ZDBF2: variants seen among roughly 807,000 people sequenced by gnomAD.
ZDBF2 encodes the protein DBF4-type zinc finger-containing protein 2.
In ZDBF2, 6 loss-of-function variants were observed where a neutral mutation model predicts 9.4. That is an observed-to-expected ratio of 0.64 (90% CI 0.35 to 1.27). ZDBF2 has a LOEUF of 1.27. ZDBF2 is among the 50% of genes most tolerant of loss of function. The pLI is 0.03. For missense variants in ZDBF2, 2,697 were observed against 2,766.8 expected (o/e 0.97, Z 0.57); for synonymous variants, 905 against 946.3 (o/e 0.96, Z 0.80).
At chr2:206,293,317 T>C (rs944166195) in intron 3 of ZDBF2, among the ~76,000 whole-genome samples, 6 of 152,142 alleles carry the variant, frequency 3.9e-5, no homozygotes, top group Non-Finnish European at 8.8e-5. Context: ...AGAAGTAGAC[T>C]ATGATTTGGC....
rs756567768 is a variant in ZDBF2 at position 206,307,610 on chromosome 2, G to A, written c.3082G>A (p.Val1028Ile). ...VNKINRKKQYVLENKNDKCSG... is the reference protein window; with the variant it reads ...VNKINRKKQYILENKNDKCSG... ...CAAAATAAACAGAAAGAAGCAATAT[G>A]TTCTAGAAAACAAGAATGATAAATG... Residue 1028 changes from valine (V) to isoleucine (I), a missense_variant, in exon 5 of 5, where the codon GTT becomes ATT. Coordinates refer to ENST00000374423, the MANE Select transcript of ZDBF2 (RefSeq NM_020923.3). 4 of 1,611,950 alleles carry A rather than the reference G, an allele frequency of 2.5e-6. No individual in the cohort carries two copies. Among genetic ancestry groups the A allele is most frequent in the African/African-American group, 1.3e-5 (1 of 74,832 alleles).
rs534373788 is a variant in ZDBF2 at position 206,281,781 on chromosome 2, T to A, written c.-49-20T>A. 2 of 1,455,922 alleles carry A rather than the reference T, an allele frequency of 1.4e-6. No individual in the cohort carries two copies. The highest frequency in any genetic ancestry group is 2.4e-5 in the South Asian group (2 of 83,216). The allele number at this position is 1,455,922 out of a possible 1,614,324, so 90.2% of individuals were successfully genotyped here. A position where few individuals can be genotyped will look rare whatever the true frequency, so the allele number is the denominator to read the frequency against. On this transcript the variant is annotated intron_variant, in intron 2 of 4. Transcript: ENST00000374423. ...GAGTAAGGAATTATGATTTTTACCA[T>A]TTTTCTTTTTGTTTTTCAGCTTGAG...
chr2:206,311,576 G>A lies in ZDBF2; in HGVS notation c.7048G>A (p.Gly2350Ser). Reference sequence around the variant, plus strand: ...GACTCGGCTAGCAAACAAACTGAGAGGTAATGAGGTAAAATAGAAGTTGGT... The same window carrying A: ...GACTCGGCTAGCAAACAAACTGAGAAGTAATGAGGTAAAATAGAAGTTGGT... ...MMTRLANKLR[G>S]NEVK The change falls in exon 5 of 5, where the codon GGT becomes AGT. Residue 2350 changes from glycine to serine, a missense_variant. By Grantham distance (56) the Gly-to-Ser change is moderately conservative. This residue lies in a region of ZDBF2 where 1,783 missense variants were observed against 1,776.5 expected (regional missense o/e 1.00). Transcript: ENST00000374423. 6.6e-7 allele frequency: 1 copy of A among 1,504,092 alleles called. No homozygotes were observed. Among genetic ancestry groups the A allele is most frequent in the Non-Finnish European group, 8.9e-7 (1 of 1,127,954 alleles). The allele number at this position is 1,504,092 out of a possible 1,614,324, so 93.2% of individuals were successfully genotyped here.
intron 3 of ZDBF2, among the ~76,000 whole-genome samples, chr2:206,291,396 C>T (rs909912953): frequency 6.6e-6 from 1 of 152,166 alleles, no homozygotes; most frequent in Admixed American, 6.5e-5. Context: ...GAAACGCTTG[C>T]TTGCCTGCCG....
intron 3 of ZDBF2, among the ~76,000 whole-genome samples, chr2:206,283,675 T>C (rs1691447775): frequency 1.3e-5 from 2 of 152,312 alleles, no homozygotes; most frequent in South Asian, 4.1e-4. Flanking sequence ...ACTTACTCTT[T>C]TTTTTTGAGA....
intron 1 of ZDBF2, among the ~76,000 whole-genome samples, chr2:206,275,607 AT>A: frequency 6.6e-6 from 1 of 152,138 alleles, no homozygotes; most frequent in East Asian, 1.9e-4. Context: ...CGTGAAAAAA[AT>A]GCATAACAAG....
In ZDBF2 at chr2:206,310,020, C is replaced by CA; in HGVS notation, c.5493dup (p.Trp1832MetfsTer9). On this transcript the variant is annotated frameshift_variant, in exon 5 of 5. Coordinates refer to ENST00000374423, the MANE Select transcript of ZDBF2 (RefSeq NM_020923.3). LOFTEE classifies it low-confidence loss of function (END_TRUNC). ...GTACCTCCTTCATTTGTGGGGAAAA[C>CA]ATGGTCTCAGATAATGAGAGAAGAT... 1 of 1,613,078 alleles carries CA rather than the reference C, an allele frequency of 6.2e-7. No individual in the cohort carries two copies. The highest frequency in any genetic ancestry group is 8.5e-7 in the Non-Finnish European group (1 of 1,179,674).
chr2:206,276,328 G>A (rs1691000684), intron 1 of ZDBF2, among the ~76,000 whole-genome samples: 1 of 152,182 alleles, frequency 6.6e-6, no homozygotes, highest in Non-Finnish European at 1.5e-5. Context: ...GTGTGCGTAT[G>A]TGCCTGTGCG....
At position 206,307,367 on chromosome 2, in the gene ZDBF2, T is replaced by A; in HGVS notation, c.2839T>A (p.Tyr947Asn). The A allele has an allele frequency of 6.2e-7, 1 of 1,613,342 alleles. No homozygotes were observed. The highest frequency in any genetic ancestry group is 8.5e-7 in the Non-Finnish European group (1 of 1,179,714). ...EISLHTKEHMYLENKSVFETS... is the reference protein window; with the variant it reads ...EISLHTKEHMNLENKSVFETS... ...AAGCCTTCACACAAAAGAGCACATG[T>A]ACTTAGAAAATAAGAGTGTTTTTGA... The change falls in exon 5 of 5, where the codon TAC becomes AAC. Residue 947 changes from tyrosine to asparagine, a missense_variant. Coordinates refer to ENST00000374423, the MANE Select transcript of ZDBF2 (RefSeq NM_020923.3).
At chr2:206,295,164 T>C (rs1692101393) in intron 3 of ZDBF2, among the ~76,000 whole-genome samples, 1 of 152,184 alleles carries the variant, frequency 6.6e-6, no homozygotes, top group Non-Finnish European at 1.5e-5. Context: ...TATTTTAAAA[T>C]GTCTTTTCTA....
At position 206,308,865 on chromosome 2, in the gene ZDBF2, ACTG is replaced by A; in HGVS notation, c.4338_4340del (p.Cys1447del). On this transcript the variant is annotated inframe_deletion, in exon 5 of 5. Transcript: ENST00000374423. ...GATCATAATGATCTAGAAAATAAGA[ACTG>A]TGAAGTCTGTGGTTCTGAAATAAAA... 6.2e-7 allele frequency: 1 copy of A among 1,613,248 alleles called. No individual in the cohort carries two copies. The highest frequency in any genetic ancestry group is 8.5e-7 in the Non-Finnish European group (1 of 1,179,662).
Position 206,306,792 on chromosome 2 carries a change from A to G in ZDBF2, c.2264A>G (p.Asp755Gly). 1 of 1,613,560 alleles carries G rather than the reference A, an allele frequency of 6.2e-7. No individual in the cohort carries two copies. The highest frequency in any genetic ancestry group is 8.5e-7 in the Non-Finnish European group (1 of 1,179,756). Reference sequence around the variant, plus strand: ...AGCTCTGAGTTGACTTTTGATTCTGACCCGCCTCTTCTGTCAGTTACTGAG... The same window carrying G: ...AGCTCTGAGTTGACTTTTGATTCTGGCCCGCCTCTTCTGTCAGTTACTGAG... ...CSSSELTFDS[D>G]PPLLSVTEQS... is the part of the protein sequence containing the mutation. Residue 755 changes from aspartate (D) to glycine (G), a missense_variant, in exon 5 of 5, where the codon GAC (aspartate) becomes GGC (glycine). Physicochemically the swap from Asp to Gly is moderately conservative, Grantham distance 94 (BLOSUM62 -1). Transcript: ENST00000374423.
At position 206,308,444 on chromosome 2, in the gene ZDBF2, GAAAT is replaced by G; in HGVS notation, c.3921_3924del (p.Asn1308PhefsTer2). 1 of 1,613,290 alleles carries G rather than the reference GAAAT, an allele frequency of 6.2e-7. No individual in the cohort carries two copies. The highest frequency in any genetic ancestry group is 8.5e-7 in the Non-Finnish European group (1 of 1,179,594). ...TAATAAAATTCCAGGGGCGAATAAA[GAAAT>G]AAATCTTTTGAGGGAGGAACATGTT... On this transcript the variant is annotated frameshift_variant, in exon 5 of 5. Transcript: ENST00000374423. LOFTEE classifies it low-confidence loss of function (END_TRUNC).
chr2:206,285,349 T>G (rs1691546454), intron 3 of ZDBF2, among the ~76,000 whole-genome samples: 2 of 152,244 alleles, frequency 1.3e-5, no homozygotes, highest in Admixed American at 1.3e-4. Context: ...CTAATTGAAG[T>G]GAGATGATAT....
In ZDBF2 at chr2:206,310,941, G is replaced by T. The variant is rs753900138; in HGVS notation, c.6413G>T (p.Arg2138Leu). Residue 2138 changes from arginine (R) to leucine (L), a missense_variant, in exon 5 of 5, where the codon CGT (arginine) becomes CTT (leucine). This residue lies in a region of ZDBF2 where 1,783 missense variants were observed against 1,776.5 expected (regional missense o/e 1.00). Transcript: ENST00000374423. ...GAAGAATCAAAGGTTCTGCATGCTC[G>T]TGAGCTTCCAAAGAAAAGAAATTTC... ...FLEESKVLHARELPKKRNFQL... is the reference protein window; with the variant it reads ...FLEESKVLHALELPKKRNFQL... 3 of 1,613,692 alleles carry T rather than the reference G, an allele frequency of 1.9e-6. No homozygotes were observed. The highest frequency in any genetic ancestry group is 3.3e-5 in the Admixed American group (2 of 59,994).
intron 2 of ZDBF2, among the ~76,000 whole-genome samples, chr2:206,281,596 A>C (rs1232100835): frequency 1.3e-5 from 2 of 152,234 alleles, no homozygotes; most frequent in Non-Finnish European, 2.9e-5. Context: ...CTAGTCTTCA[A>C]ACATTGGCAA....
chr2:206,304,563 G>A (rs1419217955), intron 4 of ZDBF2, among the ~76,000 whole-genome samples, 154 bp from the exon 5 acceptor site: 2 of 152,166 alleles, frequency 1.3e-5, no homozygotes, highest in East Asian at 3.8e-4. Flanking sequence ...CCCCTCTGTG[G>A]TCCATGCAGT....
Position 206,306,776 on chromosome 2 carries a change from T to C in ZDBF2, c.2248T>C (p.Leu750=), listed in dbSNP as rs1329202062. ...GAGCTATGATTGCTCCAGCTCTGAG[T>C]TGACTTTTGATTCTGACCCGCCTCT... ...VRSYDCSSSE[L]TFDSDPPLLS... Residue 750 remains leucine, a synonymous_variant, in exon 5 of 5, where the codon TTG becomes CTG. Transcript: ENST00000374423. The C allele has an allele frequency of 3.7e-6, 6 of 1,613,724 alleles. No homozygotes were observed. Among genetic ancestry groups the C allele is most frequent in the Non-Finnish European group, 5.1e-6 (6 of 1,179,788 alleles).
At chr2:206,293,600 A>G (rs534703303) in intron 3 of ZDBF2, among the ~76,000 whole-genome samples, 3 of 152,332 alleles carry the variant, frequency 2.0e-5, no homozygotes, top group African/African-American at 7.2e-5. Flanking sequence ...CAGAACATCC[A>G]TTTGAAAAAC....
Sources: allele counts gnomAD v4.1 joint callset (sites outside exome capture counted in the v4.1 genomes callset), GRCh38; gene constraint gnomAD v4.1.1; regional missense constraint gnomAD v4.1.1; transcripts MANE v1.5; gene names NCBI Gene and HGNC (gene_info 2026-07-23, HGNC 2026-07-21).